The following TANGO6 variants were observed in gnomAD, a reference collection of about 807,000 sequenced individuals.
TANGO6 encodes transport and golgi organization 6 homolog.
A neutral mutation model predicts 114.2 loss-of-function variants in TANGO6; 90 were observed. The ratio of observed to expected loss-of-function variants is 0.79; its 90% CI spans 0.66 to 0.94. The LOEUF (loss-of-function observed/expected upper bound fraction) is 0.94. Among genes scored for constraint, TANGO6 ranks in the 40% least tolerant of loss-of-function variants. The probability of loss-of-function intolerance (pLI) is 0.00; values close to 1 mark genes in which losing one functional copy is unlikely to be tolerated. For synonymous variants in TANGO6, 477 were observed against 509.8 expected (o/e 0.94, Z 0.87); for missense variants, 1,274 against 1,315.3 (o/e 0.97, Z 0.49).
chr16:68,927,106 C>G (rs1431677517), intron 12 of TANGO6: 1 of 163,514 alleles, frequency 6.1e-6, no homozygotes, highest in African/African-American at 2.4e-5. Flanking sequence ...CTATGGTGCA[C>G]TTGCATACTG....
chr16:68,888,390 G>A (rs1962566501), intron 7 of TANGO6, among the ~76,000 whole-genome samples: 1 of 152,186 alleles, frequency 6.6e-6, no homozygotes, highest in Non-Finnish European at 1.5e-5. Flanking sequence ...CAATGTAAGA[G>A]AGTTATAATG....
At chr16:68,862,719 C>T (rs117771346) in intron 2 of TANGO6, among the ~76,000 whole-genome samples, 2,770 of 152,174 alleles carry the variant, frequency 0.018, 54 homozygotes, top group Non-Finnish European at 0.023. Context: ...CATCCTCAGC[C>T]GTAAGATCAG....
intron 15 of TANGO6, among the ~76,000 whole-genome samples, chr16:69,003,505 A>C (rs767377536): frequency 5.9e-5 from 9 of 152,196 alleles, no homozygotes; most frequent in Non-Finnish European, 1.3e-4. Flanking sequence ...CTTGTGAAGA[A>C]CATACCTTTT....
intron 11 of TANGO6, among the ~76,000 whole-genome samples, chr16:68,913,125 C>T (rs1192246257): frequency 6.6e-6 from 1 of 151,108 alleles, no homozygotes; most frequent in Non-Finnish European, 1.5e-5. Context: ...AGTTCAGTGG[C>T]GAGATCATAG....
intron 17 of TANGO6, among the ~76,000 whole-genome samples, chr16:69,051,077 T>C (rs180912119): frequency 2.0e-5 from 3 of 151,748 alleles, no homozygotes; most frequent in African/African-American, 7.2e-5. Context: ...TTAAATTGAT[T>C]GCATAATTTA....
At chr16:68,934,456 G>A (rs746057597) in intron 14 of TANGO6, among the ~76,000 whole-genome samples, 2 of 152,148 alleles carry the variant, frequency 1.3e-5, no homozygotes, top group African/African-American at 4.8e-5. Context: ...TATTCAAAGA[G>A]ACAAAATGAC....
intron 12 of TANGO6, among the ~76,000 whole-genome samples, chr16:68,923,204 C>T (rs1317991850): frequency 6.6e-6 from 1 of 151,510 alleles, no homozygotes; most frequent in African/African-American, 2.4e-5. Flanking sequence ...GTGATCTGCC[C>T]GCTTCCGCCT....
intron 8 of TANGO6, among the ~76,000 whole-genome samples, chr16:68,901,250 T>G (rs1962780283): frequency 6.6e-6 from 1 of 152,156 alleles, no homozygotes; most frequent in African/African-American, 2.4e-5. Context: ...TTTAGTACAG[T>G]CCCCGGCAAA....
chr16:68,973,933 A>G, intron 14 of TANGO6, 95 bp from the exon 15 acceptor site: 1 of 1,407,398 alleles, frequency 7.1e-7, no homozygotes, highest in East Asian at 2.5e-5. Context: ...GATGGTTTTC[A>G]GCATCTCTGC....
intron 14 of TANGO6, chr16:68,973,057 G>A: frequency 4.4e-6 from 2 of 450,706 alleles, no homozygotes; most frequent in Non-Finnish European, 4.4e-6. Flanking sequence ...GGGAAGAAGG[G>A]AAACCACTGA....
chr16:69,014,966 GC>G (rs899767575), intron 15 of TANGO6, among the ~76,000 whole-genome samples: 14 of 151,760 alleles, frequency 9.2e-5, no homozygotes, highest in Non-Finnish European at 1.8e-4. Flanking sequence ...CAATGCCTAT[GC>G]CAAATTGCAG....
intron 7 of TANGO6, chr16:68,885,588 A>C (rs1351727950): frequency 2.6e-5 from 4 of 152,318 alleles, no homozygotes; most frequent in Non-Finnish European, 5.9e-5. Flanking sequence ...AAGTCTAGTC[A>C]AGTGAAGCAG....
chr16:68,955,037 G>A (rs1016187130), intron 14 of TANGO6, among the ~76,000 whole-genome samples: 1 of 152,204 alleles, frequency 6.6e-6, no homozygotes, highest in Non-Finnish European at 1.5e-5. Context: ...GACTAGTACA[G>A]ATTGAAACAG....
chr16:69,050,296 T>C (rs909817831), intron 17 of TANGO6, among the ~76,000 whole-genome samples: 1 of 152,162 alleles, frequency 6.6e-6, no homozygotes, highest in South Asian at 2.1e-4. Context: ...TGATAAGGTT[T>C]AGATTTTGCA....
In TANGO6 at chr16:68,885,934, T is replaced by C. The variant is rs75067066; in HGVS notation, c.1377+5304T>C. Among the ~76,000 whole-genome samples the C allele has an allele frequency of 4.9e-3, 747 of 152,316 alleles. 5 individuals carry two copies. Among genetic ancestry groups the C allele is most frequent in the African/African-American group, 0.017 (714 of 41,566 alleles). ...TGGAGTGGAATGCTGGATTATATTG[T>C]AACTGTATGTTTAACTTTTTGAGGA... On this transcript the variant is annotated intron_variant, in intron 7 of 17. Coordinates refer to ENST00000261778, the MANE Select transcript of TANGO6 (RefSeq NM_024562.2).
chr16:68,900,935 A>G (rs1050110225), intron 8 of TANGO6, among the ~76,000 whole-genome samples: 1 of 152,242 alleles, frequency 6.6e-6, no homozygotes, highest in African/African-American at 2.4e-5. Context: ...CTAGATCTGA[A>G]TGTGGCACTT....
chr16:69,055,758 G>A (rs556209570), intron 17 of TANGO6, among the ~76,000 whole-genome samples: 15 of 152,344 alleles, frequency 9.8e-5, no homozygotes, highest in Non-Finnish European at 1.6e-4. Context: ...GCTGAGCCAG[G>A]CGTGCTGGCG....
chr16:68,942,931 T>C (rs1429958065), intron 14 of TANGO6, among the ~76,000 whole-genome samples: 1 of 150,898 alleles, frequency 6.6e-6, no homozygotes, highest in African/African-American at 2.4e-5. Flanking sequence ...AGACAGGGTC[T>C]GACTGTCACC....
intron 15 of TANGO6, among the ~76,000 whole-genome samples, chr16:69,022,540 C>CA (rs1008532351): frequency 2.6e-5 from 4 of 151,922 alleles, no homozygotes; most frequent in African/African-American, 9.7e-5. Context: ...CCCATTTCCA[C>CA]AAAAAATACA....
Sources: allele counts gnomAD v4.1 joint callset (sites outside exome capture counted in the v4.1 genomes callset), GRCh38; gene constraint gnomAD v4.1.1; transcripts MANE v1.5; gene names NCBI Gene and HGNC (gene_info 2026-07-23, HGNC 2026-07-21).